The following MFN2 variants were observed in gnomAD, a reference collection of about 807,000 sequenced individuals.
MFN2 encodes the protein mitofusin 2.
A neutral mutation model predicts 87.5 loss-of-function variants in MFN2; 43 were observed. The observed-to-expected ratio is 0.49, with a 90% CI of 0.38 to 0.63. MFN2 has a LOEUF of 0.63. MFN2 is among the 30% of genes least tolerant of loss of function. The pLI is 0.00. For synonymous variants in MFN2, 337 were observed against 359.9 expected (o/e 0.94, Z 0.72); for missense variants, 743 against 972.8 (o/e 0.76, Z 3.14).
intron 18 of MFN2, among the ~76,000 whole-genome samples, chr1:12,010,828 G>T (rs1440222793): frequency 6.6e-6 from 1 of 151,966 alleles, no homozygotes; most frequent in Non-Finnish European, 1.5e-5. Flanking sequence ...GATAACATCA[G>T]CACACGGGGA....
chr1:11,986,581 T>A (rs1050862676), intron 2 of MFN2, among the ~76,000 whole-genome samples: 1 of 150,728 alleles, frequency 6.6e-6, no homozygotes, highest in Non-Finnish European at 1.5e-5. Context: ...TGTGTACGCC[T>A]CTTTTTGATC....
intron 8 of MFN2, 49 bp from the exon 9 acceptor site, chr1:12,001,352 G>T (rs1569851194): frequency 6.2e-7 from 1 of 1,608,538 alleles, no homozygotes; most frequent in Non-Finnish European, 8.5e-7. Flanking sequence ...GCAGGTGGGG[G>T]CTGTGGGGCC....
chr1:11,982,245 T>G (rs2100782836), intron 2 of MFN2, 131 bp downstream of exon 2: 1 of 152,326 alleles, frequency 6.6e-6, no homozygotes, highest in South Asian at 2.1e-4. Flanking sequence ...TTCTAACTTG[T>G]GTTGAAAAAC....
rs1219420062 is a variant in MFN2 at position 12,005,892 on chromosome 1, C to T, written c.1677C>T (p.Pro559=). 4.3e-6 allele frequency: 7 copies of T among 1,613,952 alleles called. No homozygotes were observed. Among genetic ancestry groups the T allele is most frequent in the Non-Finnish European group, 8.5e-7 (1 of 1,180,030 alleles). Residue 559 remains proline, a synonymous_variant, in exon 15 of 19, where the codon CCC becomes CCT. Coordinates refer to ENST00000235329, the MANE Select transcript of MFN2 (RefSeq NM_014874.4). ...WTMLVNRFLG[P]KNSRRALMGY... ...TGCTGGTGAATAGGTTCCTGGGCCC[C>T]AAGAACAGCCGTCGGGCCTTGATGG... is the stretch of plus-strand genomic sequence containing the variant.
rs1279384534 is a variant in MFN2 at position 12,003,732 on chromosome 1, C to T, written c.1161-260C>T. 3.9e-5 allele frequency among the ~76,000 whole-genome samples: 6 copies of T among 152,074 alleles called. No homozygotes were observed. The highest frequency in any genetic ancestry group is 6.5e-5 in the Admixed American group (1 of 15,282). On this transcript the variant is annotated intron_variant, in intron 11 of 18. Transcript: ENST00000235329. The surrounding 1 kb of genome is among the most constrained non-coding windows in gnomAD (Gnocchi z 4.1). ...GAGCTTTTTTCCCTATATTAATTGG[C>T]AGAATTTGTTTAAACCCCCTTAAAG...
chr1:11,999,178 G>C, intron 8 of MFN2, 83 bp downstream of exon 8: 1 of 1,091,362 alleles, frequency 9.2e-7, no homozygotes, highest in South Asian at 1.2e-5. Flanking sequence ...TGCACCCCTG[G>C]ATCTAGTGAC....
At chr1:12,011,393 T>C in intron 18 of MFN2, 103 bp from the exon 19 acceptor site, 2 of 1,141,410 alleles carry the variant, frequency 1.8e-6, no homozygotes, top group Non-Finnish European at 2.6e-6. Flanking sequence ...TGGAGGATGA[T>C]GTAAGGGTGT....
intron 18 of MFN2, 127 bp downstream of exon 18, chr1:12,009,853 G>A (rs866042240): frequency 4.1e-5 from 55 of 1,356,436 alleles, no homozygotes; most frequent in African/African-American, 3.9e-4. Context: ...TAGCTCATTC[G>A]TGTTAGATGT....
intron 17 of MFN2, among the ~76,000 whole-genome samples, chr1:12,008,649 G>C (rs1224878174): frequency 2.0e-5 from 3 of 152,176 alleles, no homozygotes; most frequent in African/African-American, 7.2e-5. Context: ...ATCCCAGACG[G>C]GGTGGTGGGG....
At chr1:11,984,358 G>C (rs1184479056) in intron 2 of MFN2, among the ~76,000 whole-genome samples, 1 of 152,118 alleles carries the variant, frequency 6.6e-6, no homozygotes, top group Non-Finnish European at 1.5e-5. Context: ...TGAAGGCTGG[G>C]TGTTCATGGA....
rs1221456573 is a variant in MFN2 at position 11,999,162 on chromosome 1, A to G, written c.816+67A>G. 3.2e-6 allele frequency: 4 copies of G among 1,246,292 alleles called. No individual in the cohort carries two copies. In the African/African-American group the frequency reaches 5.9e-5, roughly 18 times the overall value. 77.2% of individuals were successfully genotyped at this position (1,246,292 alleles called of 1,614,324 possible). ...GGGAGCACTGCCTGCCACTGGGGCC[A>G]CTTCCTGCACCCCTGGATCTAGTGA... On this transcript the variant is annotated intron_variant, in intron 8 of 18. Coordinates refer to ENST00000235329, the MANE Select transcript of MFN2 (RefSeq NM_014874.4).
intron 3 of MFN2, among the ~76,000 whole-genome samples, chr1:11,990,039 G>C (rs539937244): frequency 6.6e-6 from 1 of 152,264 alleles, no homozygotes; most frequent in African/African-American, 2.4e-5. Flanking sequence ...ATCTGCCCTT[G>C]GTTTCCTCAC....
chr1:11,997,599 A>G (rs1312798670), intron 6 of MFN2, among the ~76,000 whole-genome samples, 178 bp downstream of exon 6: 2 of 152,134 alleles, frequency 1.3e-5, no homozygotes, highest in Non-Finnish European at 2.9e-5. Context: ...TCTGGTTACT[A>G]TACCTATTTA....
chr1:12,008,526 C>T (rs1477013970), intron 17 of MFN2, among the ~76,000 whole-genome samples: 2 of 151,768 alleles, frequency 1.3e-5, no homozygotes, highest in Non-Finnish European at 2.9e-5. Context: ...ACTTCCCAGA[C>T]GGGGGCGGCT....
chr1:11,995,935 G>A (rs1638889425), intron 4 of MFN2, among the ~76,000 whole-genome samples: 1 of 152,198 alleles, frequency 6.6e-6, no homozygotes, highest in South Asian at 2.1e-4. Context: ...GCCTCTTGTA[G>A]ATTGATCTGA....
chr1:11,980,583 G>A (rs1233874478), intron 1 of MFN2, 99 bp downstream of exon 1: 2 of 396,968 alleles, frequency 5.0e-6, no homozygotes, highest in Non-Finnish European at 8.9e-6. Context: ...TGGGGCCACG[G>A]GGGTCTGGGA....
intron 2 of MFN2, among the ~76,000 whole-genome samples, chr1:11,985,300 G>A (rs573533644): frequency 1.2e-4 from 19 of 152,168 alleles, no homozygotes; most frequent in African/African-American, 4.1e-4. Flanking sequence ...TAGGTGTCTT[G>A]TTTGTTGTAC....
At chr1:11,992,749 T>G in intron 4 of MFN2, 59 bp downstream of exon 4, 2 of 1,610,190 alleles carry the variant, frequency 1.2e-6, no homozygotes, top group Non-Finnish European at 1.7e-6. Context: ...GGGAGGCACT[T>G]TGTGCAAGGT....
Position 12,006,689 on chromosome 1 carries a change from G to A in MFN2, c.1868G>A (p.Gly623Glu). 1.9e-6 allele frequency: 3 copies of A among 1,609,094 alleles called. No individual in the cohort carries two copies. Among genetic ancestry groups the A allele is most frequent in the Non-Finnish European group, 2.5e-6 (3 of 1,177,378 alleles). ...RTSMGILVVG[G>E]VVWKAVGWRL... is the part of the protein sequence containing the mutation. ...TCCATGGGCATTCTTGTTGTTGGAGGAGTGGTCAGTGACCAGTTCTGCTCG... is the reference window on the plus strand; with the variant it reads ...TCCATGGGCATTCTTGTTGTTGGAGAAGTGGTCAGTGACCAGTTCTGCTCG... The change falls in exon 16 of 19, where the codon GGA becomes GAA. Residue 623 changes from glycine (G) to glutamate (E), a missense_variant. Transcript: ENST00000235329.
Sources: allele counts gnomAD v4.1 joint callset (sites outside exome capture counted in the v4.1 genomes callset), GRCh38; gene constraint gnomAD v4.1.1; non-coding constraint Gnocchi (gnomAD v3.1); transcripts MANE v1.5; gene names NCBI Gene and HGNC (gene_info 2026-07-23, HGNC 2026-07-21).